Variants in TBXAS1 observed in about 807,000 individuals in gnomAD.
The protein encoded by TBXAS1 is thromboxane-A synthase.
A neutral mutation model predicts 60.7 loss-of-function variants in TBXAS1; 48 were observed. That is an observed-to-expected ratio of 0.79 (90% CI 0.63 to 1.01). TBXAS1 has a LOEUF of 1.01. Ranked by LOEUF, TBXAS1 falls within the 50% of genes least tolerant of loss-of-function variation. The pLI is 0.00. For missense variants in TBXAS1, 685 were observed against 686.3 expected (o/e 1.00, Z 0.02); for synonymous variants, 287 against 269.7 (o/e 1.06, Z -0.63).
chr7:139,951,040 G>A (rs769805297), intron 5 of TBXAS1, among the ~76,000 whole-genome samples: 12 of 152,234 alleles, frequency 7.9e-5, no homozygotes, highest in East Asian at 7.7e-4. Flanking sequence ...GTCAATAGCC[G>A]GCCAGCTGTC....
intron 4 of TBXAS1, among the ~76,000 whole-genome samples, chr7:139,922,114 TC>T (rs35644627): frequency 1.6e-3 from 236 of 150,736 alleles, no homozygotes; most frequent in African/African-American, 5.5e-3. Flanking sequence ...TTTTTTTTTT[TC>T]CCCGAGATGG....
chr7:139,989,393 G>T (rs1396952625), intron 9 of TBXAS1, among the ~76,000 whole-genome samples: 1 of 152,220 alleles, frequency 6.6e-6, no homozygotes, highest in East Asian at 1.9e-4. Context: ...CTCAGAGAGG[G>T]CTGAAGGGCC....
chr7:139,976,636 G>T (rs553117972), intron 9 of TBXAS1, among the ~76,000 whole-genome samples: 2 of 152,328 alleles, frequency 1.3e-5, no homozygotes, highest in African/African-American at 4.8e-5. Flanking sequence ...AGCCAGGGGT[G>T]TTTCCATGTC....
chr7:139,861,684 A>G (rs2116723469), intron 1 of TBXAS1, among the ~76,000 whole-genome samples: 2 of 152,358 alleles, frequency 1.3e-5, no homozygotes, highest in Admixed American at 1.3e-4. Flanking sequence ...ACATCTGACA[A>G]CGGTAACACA....
chr7:139,818,191 C>T (rs1798201124), intron 4 of TBXAS1, among the ~76,000 whole-genome samples: 1 of 152,098 alleles, frequency 6.6e-6, no homozygotes, highest in Non-Finnish European at 1.5e-5. Flanking sequence ...TGGAGGGTTC[C>T]TTGAGGAGGT....
intron 5 of TBXAS1, among the ~76,000 whole-genome samples, 193 bp from the exon 6 acceptor site, chr7:139,953,175 G>A (rs932609475): frequency 2.6e-5 from 4 of 152,106 alleles, no homozygotes; most frequent in South Asian, 2.1e-4. Context: ...TAAAATAGAC[G>A]TTTAGAGCTA....
chr7:139,823,387 G>A (rs1387828902), intron 4 of TBXAS1, among the ~76,000 whole-genome samples: 1 of 152,022 alleles, frequency 6.6e-6, no homozygotes, highest in Non-Finnish European at 1.5e-5. Flanking sequence ...AAGGACTGAA[G>A]GAACAGAGGA....
chr7:139,829,237 C>T, upstream of TBXAS1: 1 of 725,448 alleles, frequency 1.4e-6, no homozygotes, highest in Middle Eastern at 3.1e-4. Context: ...GGGAGACACT[C>T]TGAGAAAGAG....
intron 9 of TBXAS1, among the ~76,000 whole-genome samples, chr7:139,988,645 C>T (rs1469693077): frequency 6.6e-6 from 1 of 152,128 alleles, no homozygotes. Flanking sequence ...GCCTCAGCTG[C>T]CTGGCCCCTC....
chr7:140,018,984 A>G (rs1022471009), intron 12 of TBXAS1, among the ~76,000 whole-genome samples: 5 of 152,128 alleles, frequency 3.3e-5, no homozygotes, highest in African/African-American at 1.2e-4. Context: ...TTCCCTGCCT[A>G]TCCTGACCAC....
intron 1 of TBXAS1, among the ~76,000 whole-genome samples, chr7:139,850,822 C>T (rs1800166467): frequency 6.6e-6 from 1 of 152,072 alleles, no homozygotes; most frequent in South Asian, 2.1e-4. Flanking sequence ...GATGCATCTA[C>T]AAGCCAAAGA....
At chr7:139,935,618 C>A (rs1319480564) in intron 4 of TBXAS1, among the ~76,000 whole-genome samples, 5 of 151,802 alleles carry the variant, frequency 3.3e-5, no homozygotes, top group South Asian at 2.1e-4. Context: ...AATGAATGAC[C>A]AATAGAACAC....
intron 1 of TBXAS1, among the ~76,000 whole-genome samples, chr7:139,840,646 A>G (rs1375560877): frequency 1.3e-5 from 2 of 152,182 alleles, no homozygotes; most frequent in African/African-American, 4.8e-5. Context: ...AGGGGCCACA[A>G]AACGGAGGAA....
At chr7:139,973,610 T>C (rs1025973011) in intron 9 of TBXAS1, among the ~76,000 whole-genome samples, 4 of 151,344 alleles carry the variant, frequency 2.6e-5, no homozygotes, top group East Asian at 1.9e-4. Flanking sequence ...TGTGTGAAAA[T>C]ATCAGCTACC....
chr7:140,017,615 C>T, intron 11 of TBXAS1, 56 bp from the exon 12 acceptor site: 2 of 1,605,152 alleles, frequency 1.2e-6, no homozygotes, highest in South Asian at 2.2e-5. Context: ...GAGCACAGGG[C>T]TGCAGAGGGG....
At chr7:139,920,873 C>T (rs1806412949) in intron 4 of TBXAS1, among the ~76,000 whole-genome samples, 1 of 152,164 alleles carries the variant, frequency 6.6e-6, no homozygotes, top group Non-Finnish European at 1.5e-5. Context: ...GACGATGATA[C>T]CCCAATACAG....
intron 9 of TBXAS1, among the ~76,000 whole-genome samples, chr7:139,984,124 G>A (rs1041749358): frequency 3.3e-5 from 5 of 152,188 alleles, no homozygotes; most frequent in African/African-American, 7.2e-5. Context: ...CCCCTTACCC[G>A]GCCATGTGGC....
intron 3 of TBXAS1, among the ~76,000 whole-genome samples, chr7:139,881,713 G>A (rs1309183490): frequency 6.6e-6 from 1 of 151,872 alleles, no homozygotes; most frequent in Non-Finnish European, 1.5e-5. Context: ...TATCTCCCAG[G>A]GAACCTTAGG....
intron 3 of TBXAS1, among the ~76,000 whole-genome samples, chr7:139,903,413 A>G (rs1255142684): frequency 1.3e-5 from 2 of 152,060 alleles, no homozygotes; most frequent in Non-Finnish European, 2.9e-5. Context: ...CATGCCATGC[A>G]AGTATCTTTT....
Sources: allele counts gnomAD v4.1 joint callset (sites outside exome capture counted in the v4.1 genomes callset), GRCh38; gene constraint gnomAD v4.1.1; transcripts MANE v1.5; gene names NCBI Gene and HGNC (gene_info 2026-07-23, HGNC 2026-07-21).